The following GRIA4 variants were observed in gnomAD, a reference collection of about 807,000 sequenced individuals.
GRIA4 encodes the protein glutamate ionotropic receptor AMPA type subunit 4, also known as glutamate receptor 4.
A neutral mutation model predicts 104.0 loss-of-function variants in GRIA4; 34 were observed. That is an observed-to-expected ratio of 0.33 (90% CI 0.25 to 0.44). The LOEUF (loss-of-function observed/expected upper bound fraction) is 0.44, where lower values mean the gene tolerates loss of function less well. Ranked by LOEUF, GRIA4 falls within the 20% of genes least tolerant of loss-of-function variation. The probability of loss-of-function intolerance (pLI) is 1.00; values close to 1 mark genes in which losing one functional copy is unlikely to be tolerated. For missense variants in GRIA4, 750 were observed against 1,096.5 expected, an observed-to-expected ratio of 0.68 and a Z score of 4.46; for synonymous variants, 386 against 381.9, an observed-to-expected ratio of 1.01 and a Z score of -0.13.
At chr11:105,953,471 G>C (rs565746120) in intron 14 of GRIA4, among the ~76,000 whole-genome samples, 27 of 152,182 alleles carry the variant, frequency 1.8e-4, no homozygotes, top group African/African-American at 6.0e-4. Context: ...TTGTTATATG[G>C]AATACGCATA....
chr11:105,737,044 A>G (rs931505893), intron 3 of GRIA4, among the ~76,000 whole-genome samples: 3 of 152,158 alleles, frequency 2.0e-5, no homozygotes, highest in African/African-American at 7.2e-5. Flanking sequence ...ATTGGATAGC[A>G]TTCTATTCTG....
intron 5 of GRIA4, among the ~76,000 whole-genome samples, chr11:105,877,099 G>A (rs1013446907): frequency 4.6e-5 from 7 of 152,162 alleles, no homozygotes; most frequent in African/African-American, 1.7e-4. Context: ...TTGTAAGGCA[G>A]GCCTGGTGGT....
At chr11:105,624,940 A>G (rs990797005) in intron 3 of GRIA4, among the ~76,000 whole-genome samples, 5 of 152,118 alleles carry the variant, frequency 3.3e-5, no homozygotes, top group African/African-American at 7.2e-5. Flanking sequence ...AGTATTACAT[A>G]TAGAATATAT....
intron 3 of GRIA4, among the ~76,000 whole-genome samples, chr11:105,741,835 G>C (rs1469978308): frequency 6.6e-6 from 1 of 152,132 alleles, no homozygotes; most frequent in Non-Finnish European, 1.5e-5. Context: ...ACAGAACCAA[G>C]AATGGTGGTT....
intron 14 of GRIA4, among the ~76,000 whole-genome samples, chr11:105,940,163 G>A (rs968288236): frequency 9.2e-5 from 14 of 152,182 alleles, no homozygotes; most frequent in Middle Eastern, 3.4e-3. Context: ...TCAGGAGTTC[G>A]AGACCAGCTT....
At chr11:105,845,458 G>A (rs1363939455) in intron 4 of GRIA4, among the ~76,000 whole-genome samples, 1 of 152,138 alleles carries the variant, frequency 6.6e-6, no homozygotes, top group Non-Finnish European at 1.5e-5. Context: ...AGTTCAGTGG[G>A]AGGAGCATCA....
chr11:105,733,928 A>C (rs1057510141), intron 3 of GRIA4, among the ~76,000 whole-genome samples: 2 of 149,984 alleles, frequency 1.3e-5, no homozygotes, highest in Non-Finnish European at 3.0e-5. Context: ...CACTGGAAAC[A>C]TTTTTCCTGT....
intron 6 of GRIA4, among the ~76,000 whole-genome samples, chr11:105,898,068 A>G (rs1300772471): frequency 6.6e-6 from 1 of 152,152 alleles, no homozygotes; most frequent in East Asian, 1.9e-4. Flanking sequence ...TGTCTCATGT[A>G]TTGGATTTTG....
chr11:105,632,521 T>C (rs1423296144), intron 3 of GRIA4, among the ~76,000 whole-genome samples: 1 of 152,240 alleles, frequency 6.6e-6, no homozygotes, highest in Non-Finnish European at 1.5e-5. Context: ...GCTATGTGAA[T>C]TGTTGACAAA....
chr11:105,753,111 G>A lies in GRIA4; in HGVS notation c.378G>A (p.Gly126=). The A allele has an allele frequency of 6.2e-7, 1 of 1,613,806 alleles. No individual in the cohort carries two copies. ...SLITPSFPTE[G]ESQFVLQLRP... ...TCACACCAAGTTTCCCTACTGAGGG[G>A]GAGAGCCAGTTTGTGCTGCAACTAA... Residue 126 remains glycine (G), a synonymous_variant, in exon 4 of 17, where the codon GGG becomes GGA. Coordinates refer to ENST00000282499, the MANE Select transcript of GRIA4 (RefSeq NM_000829.4).
chr11:105,743,939 A>T (rs1329841727), intron 3 of GRIA4, among the ~76,000 whole-genome samples: 3 of 152,080 alleles, frequency 2.0e-5, no homozygotes, highest in African/African-American at 7.2e-5. Context: ...TGCCTACCAC[A>T]TCTGCTTTAA....
chr11:105,796,049 G>A lies in GRIA4; in HGVS notation c.487+42829G>A, dbSNP rs143202481. Among the ~76,000 whole-genome samples the A allele has an allele frequency of 3.6e-4, 55 of 152,212 alleles. 2 individuals carry two copies. Among genetic ancestry groups the A allele is most frequent in the African/African-American group, 1.3e-3 (53 of 41,560 alleles). On this transcript the variant is annotated intron_variant, in intron 4 of 16. Coordinates refer to ENST00000282499, the MANE Select transcript of GRIA4 (RefSeq NM_000829.4). ...ATTATCCCAAGCTTTCAGTTTTGACGTAGTGACTTCTTGATAACCTGTATC... is the reference window on the plus strand; with the variant it reads ...ATTATCCCAAGCTTTCAGTTTTGACATAGTGACTTCTTGATAACCTGTATC...
chr11:105,821,622 C>G (rs1943578158), intron 4 of GRIA4, among the ~76,000 whole-genome samples: 2 of 151,918 alleles, frequency 1.3e-5, no homozygotes, highest in South Asian at 4.1e-4. Context: ...CAGCACCCAG[C>G]CATGAGGGAT....
At chr11:105,944,799 C>T (rs1477134853) in intron 14 of GRIA4, among the ~76,000 whole-genome samples, 2 of 151,934 alleles carry the variant, frequency 1.3e-5, no homozygotes, top group Non-Finnish European at 2.9e-5. Context: ...CACTATGTTG[C>T]CTTGTTTCTC....
At chr11:105,965,905 C>G in intron 14 of GRIA4, 1 of 1,317,852 alleles carries the variant, frequency 7.6e-7, no homozygotes, top group African/African-American at 1.4e-5. Context: ...AACATCTTAA[C>G]AGCTGTGCAG....
At chr11:105,666,008 G>A (rs1952153555) in intron 3 of GRIA4, among the ~76,000 whole-genome samples, 1 of 151,988 alleles carries the variant, frequency 6.6e-6, no homozygotes. Flanking sequence ...TCAGTCAAAT[G>A]AAATTCAGGT....
chr11:105,778,053 C>A (rs1941531145), intron 4 of GRIA4, among the ~76,000 whole-genome samples: 1 of 152,130 alleles, frequency 6.6e-6, no homozygotes, highest in Non-Finnish European at 1.5e-5. Context: ...AGTCACTTTG[C>A]AGATACTGAT....
intron 5 of GRIA4, among the ~76,000 whole-genome samples, chr11:105,883,811 C>G (rs1426731694): frequency 6.6e-6 from 1 of 152,114 alleles, no homozygotes; most frequent in African/African-American, 2.4e-5. Context: ...ATGGCTGGGT[C>G]GAATGGTATT....
intron 10 of GRIA4, chr11:105,913,368 A>C (rs916126223): frequency 5.7e-6 from 3 of 523,382 alleles, no homozygotes; most frequent in Non-Finnish European, 7.3e-6. Context: ...TTAATAATGA[A>C]TTTATTCTAC....
Sources: allele counts gnomAD v4.1 joint callset (sites outside exome capture counted in the v4.1 genomes callset), GRCh38; gene constraint gnomAD v4.1.1; transcripts MANE v1.5; gene names NCBI Gene and HGNC (gene_info 2026-07-23, HGNC 2026-07-21).